Variants in NFIB observed in about 807,000 individuals in gnomAD.
The protein encoded by NFIB is nuclear factor I B, also known as nuclear factor 1 B-type.
In NFIB, 11 loss-of-function variants were observed where a neutral mutation model predicts 61.5. The ratio of observed to expected loss-of-function variants is 0.18; its 90% CI spans 0.11 to 0.30. The LOEUF (loss-of-function observed/expected upper bound fraction) is 0.30. Among genes scored for constraint, NFIB ranks in the 10% least tolerant of loss-of-function variants. The probability of loss-of-function intolerance (pLI) is 1.00; values close to 1 mark genes in which losing one functional copy is unlikely to be tolerated. For synonymous variants in NFIB, 260 were observed against 216.5 expected (o/e 1.20, Z -1.76); for missense variants, 471 against 608.9 (o/e 0.77, Z 2.38).
intron 2 of NFIB, among the ~76,000 whole-genome samples, chr9:14,290,059 T>C (rs948974823): frequency 6.6e-6 from 1 of 152,020 alleles, no homozygotes. Flanking sequence ...AAAGACCTCA[T>C]GAAAAATGGA....
chr9:14,322,421 C>G (rs979081682), intron 1 of NFIB: 1 of 233,802 alleles, frequency 4.3e-6, no homozygotes, highest in Non-Finnish European at 8.4e-6. Flanking sequence ...CCGGCACGGC[C>G]CCGGGGTCGC....
the NFIB span, among the ~76,000 whole-genome samples, chr9:14,453,233 T>A: frequency 1.6e-3 from 249 of 152,376 alleles, no homozygotes; most frequent in African/African-American, 5.6e-3. Flanking sequence ...CATGATCCAG[T>A]GTGTGTAATG....
chr9:14,504,275 T>C, the NFIB span, among the ~76,000 whole-genome samples: 1 of 152,354 alleles, frequency 6.6e-6, no homozygotes, highest in East Asian at 1.9e-4. Flanking sequence ...CCTCCAGACT[T>C]GTTCCTTTTG....
At chr9:14,402,278 T>G (rs1401139207), upstream of NFIB, among the ~76,000 whole-genome samples, 1 of 152,224 alleles carries the variant, frequency 6.6e-6, no homozygotes, top group African/African-American at 2.4e-5. Flanking sequence ...CTAGTGCATA[T>G]AAATCATTAG....
intron 2 of NFIB, among the ~76,000 whole-genome samples, chr9:14,301,695 G>A (rs2059761032): frequency 6.6e-6 from 1 of 152,054 alleles, no homozygotes; most frequent in South Asian, 2.1e-4. Context: ...TGGCAACTGG[G>A]GCCTCAGAGT....
intron 1 of NFIB, among the ~76,000 whole-genome samples, chr9:14,391,006 G>A (rs1037917573): frequency 3.3e-5 from 5 of 152,140 alleles, no homozygotes; most frequent in African/African-American, 1.2e-4. Flanking sequence ...ATGGGGGGTG[G>A]AATAGACACA....
chr9:14,142,492 C>A (rs2041849845), intron 6 of NFIB, among the ~76,000 whole-genome samples: 1 of 152,216 alleles, frequency 6.6e-6, no homozygotes, highest in East Asian at 1.9e-4. Context: ...CGGAATACAA[C>A]TGGATTTAGT....
chr9:14,420,620 T>C, the NFIB span, among the ~76,000 whole-genome samples: 157 of 152,268 alleles, frequency 1.0e-3, no homozygotes, highest in Non-Finnish European at 1.5e-3. Context: ...TTCATGGCTC[T>C]AGCCTACCAC....
chr9:14,472,757 C>T, the NFIB span, among the ~76,000 whole-genome samples: 1 of 151,896 alleles, frequency 6.6e-6, no homozygotes, highest in Admixed American at 6.6e-5. Flanking sequence ...AGGAGAATGG[C>T]GTGAACCCAG....
the NFIB span, among the ~76,000 whole-genome samples, chr9:14,527,544 A>G: frequency 6.6e-6 from 1 of 152,210 alleles, no homozygotes; most frequent in Non-Finnish European, 1.5e-5. Context: ...GCTTTCATTA[A>G]TATGATGTCG....
In NFIB at chr9:14,086,952, A is replaced by G. The variant is rs548356269; in HGVS notation, c.*1357T>C. On this transcript the variant is annotated 3_prime_UTR_variant, in exon 11 of 11. Coordinates refer to ENST00000380953, the MANE Select transcript of NFIB (RefSeq NM_001190737.2). ...CACACTATGGATCTGTCAATACAAG[A>G]AATTTGTTGAACAAGGCTAATGTCT... 36 of 202,894 alleles carry G rather than the reference A, an allele frequency of 1.8e-4. No individual in the cohort carries two copies. The highest frequency in any genetic ancestry group is 7.6e-4 in the African/African-American group (33 of 43,690). 12.6% of individuals were successfully genotyped at this position (202,894 alleles called of 1,614,324 possible). A position where few individuals can be genotyped will look rare whatever the true frequency, so the allele number is the denominator to read the frequency against.
intron 1 of NFIB, among the ~76,000 whole-genome samples, chr9:14,344,134 G>GAA (rs1554715518): frequency 1.1e-4 from 17 of 148,022 alleles, no homozygotes; most frequent in African/African-American, 3.8e-4. Flanking sequence ...GAGAGAGAGA[G>GAA]AAACACTAAG....
At chr9:14,450,204 G>A in the NFIB span, among the ~76,000 whole-genome samples, 2 of 152,056 alleles carry the variant, frequency 1.3e-5, no homozygotes, top group Non-Finnish European at 2.9e-5. Flanking sequence ...CCACCGATGA[G>A]TGACAACATG....
chr9:14,444,608 C>CG, the NFIB span, among the ~76,000 whole-genome samples: 2,306 of 152,176 alleles, frequency 0.015, 28 homozygotes, highest in Non-Finnish European at 0.026. Context: ...AGAAATGTAT[C>CG]GGGGGAAAAG....
intron 1 of NFIB, among the ~76,000 whole-genome samples, chr9:14,341,766 T>A (rs1471100162): frequency 6.6e-6 from 1 of 152,108 alleles, no homozygotes; most frequent in East Asian, 1.9e-4. Context: ...GCTTGCCAGT[T>A]GCTGTTACAA....
chr9:14,196,296 G>A (rs1361584973), intron 2 of NFIB, among the ~76,000 whole-genome samples: 1 of 152,084 alleles, frequency 6.6e-6, no homozygotes, highest in Admixed American at 6.5e-5. Flanking sequence ...GAAAAAATAT[G>A]AACCCACTCT....
the NFIB span, among the ~76,000 whole-genome samples, chr9:14,413,379 C>A: frequency 7.2e-5 from 11 of 152,260 alleles, no homozygotes; most frequent in Non-Finnish European, 1.0e-4. Context: ...CATTAAGAAT[C>A]TTTTTAGAGG....
At chr9:14,346,008 G>A (rs2061012967) in intron 1 of NFIB, among the ~76,000 whole-genome samples, 1 of 152,152 alleles carries the variant, frequency 6.6e-6, no homozygotes, top group Non-Finnish European at 1.5e-5. Context: ...AGTGGTACAG[G>A]GACCAGCCTA....
chr9:14,426,418 T>C, the NFIB span, among the ~76,000 whole-genome samples: 1 of 152,214 alleles, frequency 6.6e-6, no homozygotes, highest in Non-Finnish European at 1.5e-5. Flanking sequence ...GATTTGCATG[T>C]CTATTTTCTC....
Sources: gnomAD v4.1 joint callset for allele counts (sites outside exome capture counted in the v4.1 genomes callset) on GRCh38, gnomAD v4.1.1 for gene constraint, MANE v1.5 for transcripts, NCBI Gene and HGNC (gene_info 2026-07-23, HGNC 2026-07-21) for gene names.